The following CCDC148 variants were observed in gnomAD, a reference collection of about 807,000 sequenced individuals.
CCDC148 encodes coiled-coil domain containing 148, also known as coiled-coil domain-containing protein 148.
Under a neutral mutation model 85.7 loss-of-function variants are expected in CCDC148, and 89 were observed. The observed-to-expected ratio is 1.04, with a 90% confidence interval of 0.87 to 1.24. The LOEUF is 1.24. Among genes scored for constraint, CCDC148 ranks in the 50% most tolerant of loss-of-function variants. CCDC148 has a pLI of 0.00. For synonymous variants in CCDC148, 230 were observed against 213.9 expected (o/e 1.08, Z -0.66); for missense variants, 692 against 671.7 (o/e 1.03, Z -0.33).
chr2:158,235,262 A>G (rs1268080896), intron 10 of CCDC148, among the ~76,000 whole-genome samples: 1 of 152,222 alleles, frequency 6.6e-6, no homozygotes, highest in Non-Finnish European at 1.5e-5. Flanking sequence ...GGGCATAACT[A>G]TTATTCATTC....
At chr2:158,383,601 T>C (rs915564428) in intron 1 of CCDC148, among the ~76,000 whole-genome samples, 1 of 152,174 alleles carries the variant, frequency 6.6e-6, no homozygotes, top group African/African-American at 2.4e-5. Flanking sequence ...TATGTTTTTA[T>C]GTTTAGAAAC....
At chr2:158,329,042 G>T (rs185275043) in intron 7 of CCDC148, among the ~76,000 whole-genome samples, 1 of 152,202 alleles carries the variant, frequency 6.6e-6, no homozygotes. Flanking sequence ...GTCAGTTTTG[G>T]CTTTTGTTGC....
At chr2:158,378,950 T>G (rs1225222886) in intron 1 of CCDC148, among the ~76,000 whole-genome samples, 3 of 152,166 alleles carry the variant, frequency 2.0e-5, no homozygotes, top group Admixed American at 6.6e-5. Context: ...AACATAACAT[T>G]TATTCTGCAG....
intron 1 of CCDC148, among the ~76,000 whole-genome samples, chr2:158,382,498 C>T (rs1379422750): frequency 6.6e-6 from 1 of 152,170 alleles, no homozygotes; most frequent in East Asian, 1.9e-4. Context: ...CATCATTCTT[C>T]TCTGACATAT....
chr2:158,456,322 G>C, intron 1 of CCDC148, 93 bp downstream of exon 1: 1 of 1,273,492 alleles, frequency 7.9e-7, no homozygotes, highest in Non-Finnish European at 1.1e-6. Context: ...CAGGGAAGGG[G>C]GAGTGGCTGC....
chr2:158,224,819 G>A (rs1160370418), intron 10 of CCDC148, among the ~76,000 whole-genome samples: 1 of 152,094 alleles, frequency 6.6e-6, no homozygotes, highest in Non-Finnish European at 1.5e-5. Flanking sequence ...AACATGGAAA[G>A]GAACAACCGG....
At chr2:158,335,353 T>G (rs1682322887) in intron 7 of CCDC148, among the ~76,000 whole-genome samples, 1 of 152,196 alleles carries the variant, frequency 6.6e-6, no homozygotes, top group South Asian at 2.1e-4. Flanking sequence ...GCTTCCTCCA[T>G]CAATCCTCCT....
intron 3 of CCDC148, among the ~76,000 whole-genome samples, chr2:158,341,768 T>C (rs1485735349): frequency 6.6e-6 from 1 of 151,974 alleles, no homozygotes; most frequent in Non-Finnish European, 1.5e-5. Context: ...TAAAATGGTA[T>C]AATATAAAAA....
chr2:158,223,682 C>A (rs1158843093), intron 10 of CCDC148, among the ~76,000 whole-genome samples: 1 of 152,190 alleles, frequency 6.6e-6, no homozygotes, highest in Admixed American at 6.5e-5. Context: ...TGTTCTGCAG[C>A]CTCGTCTGCT....
At chr2:158,436,282 G>C (rs757674329) in intron 1 of CCDC148, among the ~76,000 whole-genome samples, 9 of 151,922 alleles carry the variant, frequency 5.9e-5, no homozygotes, top group Non-Finnish European at 1.3e-4. Context: ...ACTGTCTCTC[G>C]GACCACAGTG....
intron 9 of CCDC148, among the ~76,000 whole-genome samples, chr2:158,272,972 T>C (rs1225041593): frequency 6.6e-6 from 1 of 152,224 alleles, no homozygotes; most frequent in Non-Finnish European, 1.5e-5. Flanking sequence ...TTATTGTTTG[T>C]CAATTTAAAA....
rs780398203 is a variant in CCDC148, at chr2:158,261,494, G to A, written c.1111-10582C>T. Reference sequence around the variant, plus strand: ...CATTACAAAGATACCAAAACTAATCGCAACAAAATCGAAAATTGACAAACA... The same window carrying A: ...CATTACAAAGATACCAAAACTAATCACAACAAAATCGAAAATTGACAAACA... On this transcript the variant is annotated intron_variant, in intron 9 of 13. Coordinates refer to ENST00000283233, the MANE Select transcript of CCDC148 (RefSeq NM_138803.4). Among the ~76,000 whole-genome samples, 29 of 150,818 alleles carry A rather than the reference G, an allele frequency of 1.9e-4. No homozygotes were observed. In the Middle Eastern group the frequency reaches 0.014, roughly 71 times the overall value.
chr2:158,284,730 G>A (rs906708456), intron 9 of CCDC148, among the ~76,000 whole-genome samples: 2 of 152,136 alleles, frequency 1.3e-5, no homozygotes, highest in African/African-American at 4.8e-5. Context: ...TTATTTCTGT[G>A]AGCATTTTTA....
chr2:158,336,184 A>T (rs1228201126), intron 7 of CCDC148, among the ~76,000 whole-genome samples: 1 of 152,180 alleles, frequency 6.6e-6, no homozygotes, highest in Non-Finnish European at 1.5e-5. Flanking sequence ...CTGGAAGTAC[A>T]AATAATGTTA....
At chr2:158,417,062 G>T (rs1315724261) in intron 1 of CCDC148, among the ~76,000 whole-genome samples, 3 of 152,120 alleles carry the variant, frequency 2.0e-5, no homozygotes, top group African/African-American at 7.2e-5. Flanking sequence ...GATATCATGA[G>T]AACTCACTCA....
At chr2:158,292,264 A>T (rs1280645316) in intron 9 of CCDC148, among the ~76,000 whole-genome samples, 1 of 152,210 alleles carries the variant, frequency 6.6e-6, no homozygotes, top group African/African-American at 2.4e-5. Flanking sequence ...GTCTTCAGCG[A>T]AAATACTCTG....
chr2:158,433,720 T>G (rs575196334), intron 1 of CCDC148, among the ~76,000 whole-genome samples: 2 of 152,306 alleles, frequency 1.3e-5, no homozygotes, highest in Admixed American at 1.3e-4. Flanking sequence ...TTCTCTTTCC[T>G]AGCCAAAGGA....
intron 1 of CCDC148, among the ~76,000 whole-genome samples, chr2:158,401,883 C>A (rs1685801342): frequency 1.3e-5 from 2 of 151,888 alleles, no homozygotes; most frequent in African/African-American, 4.8e-5. Context: ...GTGGCCAGAG[C>A]AGAGCAGCCC....
chr2:158,341,891 C>A, intron 3 of CCDC148, among the ~76,000 whole-genome samples: 1 of 145,384 alleles, frequency 6.9e-6, no homozygotes. Flanking sequence ...GCATATTTAA[C>A]ATTTTATGTT....
Sources: allele counts gnomAD v4.1 joint callset (sites outside exome capture counted in the v4.1 genomes callset), GRCh38; gene constraint gnomAD v4.1.1; transcripts MANE v1.5; gene names NCBI Gene and HGNC (gene_info 2026-07-23, HGNC 2026-07-21).